ADCY8: variants seen among roughly 807,000 people sequenced by gnomAD.
ADCY8 encodes adenylate cyclase 8, also known as adenylate cyclase type 8.
In ADCY8, 51 loss-of-function variants were observed where a neutral mutation model predicts 119.7. The ratio of observed to expected loss-of-function variants is 0.43; its 90% CI spans 0.34 to 0.54. ADCY8 has a LOEUF of 0.54. ADCY8 is among the 20% of genes least tolerant of loss of function. ADCY8 has a pLI of 0.03. For missense variants in ADCY8, 1,383 were observed against 1,598.8 expected (o/e 0.87, Z 2.30); for synonymous variants, 665 against 651.0 (o/e 1.02, Z -0.33).
In ADCY8 at chr8:130,862,638, C is replaced by T. The variant is rs1000716334; in HGVS notation, c.2210+5208G>A. 2.0e-5 allele frequency among the ~76,000 whole-genome samples: 3 copies of T among 152,166 alleles called. No individual in the cohort carries two copies. In the East Asian group the frequency reaches 5.8e-4, roughly 29 times the overall value. On this transcript the variant is annotated intron_variant, in intron 9 of 17. Transcript: ENST00000286355. ...CCGTGTTAGCCAGGATGGTCTCGAT[C>T]TCCTGACCTCGTGATCTGCCCGCCT...
rs73346425 is a variant in ADCY8, at chr8:130,885,873, T to C, written c.1912-1112A>G. ...GCTTGGCTATGTTTAGAACACAGGCTAGATGAAGATAAGATTATGGAGTCA... is the reference window on the plus strand; with the variant it reads ...GCTTGGCTATGTTTAGAACACAGGCCAGATGAAGATAAGATTATGGAGTCA... On this transcript the variant is annotated intron_variant, in intron 7 of 17. Coordinates refer to ENST00000286355, the MANE Select transcript of ADCY8 (RefSeq NM_001115.3). 7.9e-3 allele frequency among the ~76,000 whole-genome samples: 1,204 copies of C among 152,198 alleles called. 18 individuals carry two copies. The highest frequency in any genetic ancestry group is 0.027 in the African/African-American group (1,126 of 41,532).
chr8:130,953,597 A>C (rs1821339499), intron 2 of ADCY8, among the ~76,000 whole-genome samples: 1 of 152,216 alleles, frequency 6.6e-6, no homozygotes. Flanking sequence ...AGAAGTTTAG[A>C]TTCCAACTCT....
intron 7 of ADCY8, among the ~76,000 whole-genome samples, chr8:130,897,104 C>T (rs1274901158): frequency 6.6e-6 from 1 of 152,008 alleles, no homozygotes; most frequent in Non-Finnish European, 1.5e-5. Flanking sequence ...CAGGCCCTTC[C>T]ACTATCATAT....
At chr8:130,817,205 T>A (rs1042284820) in intron 13 of ADCY8, among the ~76,000 whole-genome samples, 3 of 152,152 alleles carry the variant, frequency 2.0e-5, no homozygotes, top group African/African-American at 7.2e-5. Context: ...AAACTGGAAT[T>A]TTGGGGAAGA....
intron 1 of ADCY8, among the ~76,000 whole-genome samples, chr8:131,000,678 T>C (rs1392044267): frequency 6.6e-6 from 1 of 152,038 alleles, no homozygotes; most frequent in Non-Finnish European, 1.5e-5. Flanking sequence ...GAGCCTGAAT[T>C]ATAACAGCTG....
intron 2 of ADCY8, among the ~76,000 whole-genome samples, chr8:130,953,347 T>G (rs1437415885): frequency 1.3e-5 from 2 of 152,210 alleles, no homozygotes; most frequent in African/African-American, 4.8e-5. Flanking sequence ...TTGTAGTTAT[T>G]TATGGGTATT....
intron 7 of ADCY8, among the ~76,000 whole-genome samples, chr8:130,900,346 G>T (rs1233808228): frequency 6.6e-6 from 1 of 152,166 alleles, no homozygotes; most frequent in Non-Finnish European, 1.5e-5. Flanking sequence ...GATTTTCATT[G>T]CTCCTCCAAG....
At chr8:130,847,310 G>C (rs1285615042) in intron 11 of ADCY8, 114 bp downstream of exon 11, 1 of 685,778 alleles carries the variant, frequency 1.5e-6, no homozygotes, top group East Asian at 2.7e-5. Flanking sequence ...GCAGAAGAAG[G>C]AAAACAGGCC....
intron 7 of ADCY8, among the ~76,000 whole-genome samples, chr8:130,898,930 A>G (rs1467375956): frequency 6.6e-6 from 1 of 152,200 alleles, no homozygotes; most frequent in East Asian, 1.9e-4. Context: ...AGATCACATC[A>G]CTGCCCCGCT....
chr8:130,852,729 C>T (rs1014636787), intron 9 of ADCY8, among the ~76,000 whole-genome samples: 35 of 149,346 alleles, frequency 2.3e-4, no homozygotes, highest in Non-Finnish European at 1.5e-5. Flanking sequence ...TCTCTCCTGC[C>T]TTTTTTTTTT....
chr8:130,812,706 A>G (rs1816206825), intron 14 of ADCY8, among the ~76,000 whole-genome samples: 1 of 152,202 alleles, frequency 6.6e-6, no homozygotes, highest in Admixed American at 6.5e-5. Flanking sequence ...ATGTAATAAG[A>G]AAAAACAGTT....
chr8:130,972,931 T>C (rs1313351910), intron 2 of ADCY8, among the ~76,000 whole-genome samples: 1 of 152,102 alleles, frequency 6.6e-6, no homozygotes. Flanking sequence ...TAGCCTCTCA[T>C]GGAGTGGCTC....
At chr8:130,876,860 A>G (rs1818587224) in intron 8 of ADCY8, among the ~76,000 whole-genome samples, 1 of 152,290 alleles carries the variant, frequency 6.6e-6, no homozygotes, top group East Asian at 1.9e-4. Context: ...ATTTCAAACT[A>G]TATGAAAATC....
At position 130,917,488 on chromosome 8, in the gene ADCY8, C is replaced by T. The variant is rs74390112; in HGVS notation, c.1482-7622G>A. 1.5e-3 allele frequency among the ~76,000 whole-genome samples: 235 copies of T among 152,306 alleles called. 6 individuals carry two copies. The East Asian group carries it at 0.039, about 25-fold the overall frequency. On this transcript the variant is annotated intron_variant, in intron 5 of 17. Coordinates refer to ENST00000286355, the MANE Select transcript of ADCY8 (RefSeq NM_001115.3). ...TGGAAAGGTAATGGGGAAGACCTAA[C>T]TGCACTCACATTCAAAAGCAGGGTG... is the stretch of plus-strand genomic sequence containing the variant.
chr8:130,851,311 A>T (rs1817519436), intron 9 of ADCY8, among the ~76,000 whole-genome samples: 1 of 152,216 alleles, frequency 6.6e-6, no homozygotes, highest in African/African-American at 2.4e-5. Flanking sequence ...GTTCTAAACA[A>T]ACATCAACTG....
chr8:130,836,299 C>G lies in ADCY8; in HGVS notation c.2653G>C (p.Asp885His). 1 of 1,613,404 alleles carries G rather than the reference C, an allele frequency of 6.2e-7. No individual in the cohort carries two copies. Reference sequence around the variant, plus strand: ...TACTCTCCACTGTGGTTGAGGTTGTCATAACGCAGAAAGAGGCCTGCGTAG... The same window carrying G: ...TACTCTCCACTGTGGTTGAGGTTGTGATAACGCAGAAAGAGGCCTGCGTAG... ...TVYAGLFLRY[D>H]NLNHSGEDFL... is the part of the protein sequence containing the mutation. Residue 885 changes from aspartate to histidine, a missense_variant, in exon 12 of 18, where the codon GAC (aspartate) becomes CAC (histidine). Asp to His is a moderately conservative substitution (Grantham distance 81). This residue lies in a region of ADCY8 where 928 missense variants were observed against 1,163.5 expected (regional missense o/e 0.80). Transcript: ENST00000286355.
chr8:131,040,372 G>C lies in ADCY8; in HGVS notation c.-39C>G. 1 of 1,449,574 alleles carries C rather than the reference G, an allele frequency of 6.9e-7. No individual in the cohort carries two copies. Among genetic ancestry groups the C allele is most frequent in the Non-Finnish European group, 9.0e-7 (1 of 1,108,262 alleles). 89.8% of individuals were successfully genotyped at this position (1,449,574 alleles called of 1,614,324 possible). ...AGGGAAGGAGGCCCAGAACCTTGGG[G>C]AGGCAGCCGGAGGAGGGGTTCCTAA... On this transcript the variant is annotated 5_prime_UTR_variant, in exon 1 of 18. Transcript: ENST00000286355.
At chr8:130,796,178 C>A (rs1464312260) in intron 15 of ADCY8, among the ~76,000 whole-genome samples, 1 of 152,186 alleles carries the variant, frequency 6.6e-6, no homozygotes, top group Admixed American at 6.5e-5. Flanking sequence ...TGGCCAAGAG[C>A]CAGCTTCAGG....
chr8:130,780,373 A>AAAAC lies in ADCY8; in HGVS notation c.*16_*17insGTTT. ...TATAAAAGAAATACAAAAAAAAAAA[A>AAAAC]CAGAAAGAAAATGCTTTTATGGCAA... On this transcript the variant is annotated 3_prime_UTR_variant, in exon 18 of 18. Transcript: ENST00000286355. 1 of 1,405,206 alleles carries AAAAC rather than the reference A, an allele frequency of 7.1e-7. No homozygotes were observed. 87.0% of individuals were successfully genotyped at this position (1,405,206 alleles called of 1,614,324 possible).
Sources: gnomAD v4.1 joint callset for allele counts (sites outside exome capture counted in the v4.1 genomes callset) on GRCh38, gnomAD v4.1.1 for gene constraint, gnomAD v4.1.1 regional missense constraint, MANE v1.5 for transcripts, NCBI Gene and HGNC (gene_info 2026-07-23, HGNC 2026-07-21) for gene names.